Variants in TOP1MT observed in about 807,000 individuals in gnomAD.
TOP1MT encodes DNA topoisomerase I, mitochondrial.
A neutral mutation model predicts 73.9 loss-of-function variants in TOP1MT; 80 were observed. The observed-to-expected ratio is 1.08, with a 90% CI of 0.90 to 1.30. The LOEUF is 1.30. Ranked by LOEUF, TOP1MT falls within the 50% of genes most tolerant of loss-of-function variation. The pLI is 0.00. For synonymous variants in TOP1MT, 338 were observed against 326.4 expected (o/e 1.04, Z -0.38); for missense variants, 815 against 808.0 (o/e 1.01, Z -0.10).
chr8:143,315,652 C>T, intron 12 of TOP1MT, 75 bp downstream of exon 12: 1 of 1,162,516 alleles, frequency 8.6e-7, no homozygotes. Context: ...TCGTCTCCCA[C>T]CGACCCTGTG....
intron 3 of TOP1MT, among the ~76,000 whole-genome samples, chr8:143,328,648 G>A (rs984568152): frequency 6.6e-6 from 1 of 152,238 alleles, no homozygotes; most frequent in Non-Finnish European, 1.5e-5. Context: ...TCACCCACGT[G>A]GGAATGTTCA....
At position 143,309,453 on chromosome 8, in the gene TOP1MT, GTCT is replaced by G. The variant is rs772676060; in HGVS notation, c.1791_1793del (p.Glu597del). On this transcript the variant is annotated inframe_deletion, in exon 14 of 14. Transcript: ENST00000329245. ...ACACGGCTCGTCGTTAGAATTCAAA[GTCT>G]TCTCCTGCCATGGCGAGAGCCCAGG... 5.6e-6 allele frequency: 9 copies of G among 1,613,610 alleles called. No homozygotes were observed. The African/African-American group carries it at 1.1e-4, about 19-fold the overall frequency.
chr8:143,323,661 ACCACACACGCACG>A (rs1445352624), intron 7 of TOP1MT, among the ~76,000 whole-genome samples: 2 of 55,948 alleles, frequency 3.6e-5, no homozygotes, highest in Non-Finnish European at 7.8e-5. Flanking sequence ...ACACATGCTC[ACCACACACGCACG>A]CCACACACAT....
In TOP1MT at chr8:143,341,992, TTAG is replaced by T. The variant is rs1817096151; in HGVS notation, c.29+1225_29+1227del. Among the ~76,000 whole-genome samples, 3 of 125,156 alleles carry T rather than the reference TTAG, an allele frequency of 2.4e-5. No individual in the cohort carries two copies. The highest frequency in any genetic ancestry group is 8.4e-5 in the African/African-American group (3 of 35,752). The allele number at this position is 125,156 out of a possible 152,430, so 82.1% of individuals were successfully genotyped here. ...CAGAGTCTCGCTGTTATTATTATTA[TTAG>T]AGACAGAGTCTCGCTCTGTTATTAT... On this transcript the variant is annotated intron_variant, in intron 2 of 5. Transcript: ENST00000518007. The surrounding 1 kb of genome is among the most constrained non-coding windows in gnomAD (Gnocchi z 4.1).
upstream of TOP1MT, among the ~76,000 whole-genome samples, chr8:143,345,363 T>A (rs1817203097): frequency 6.6e-6 from 1 of 151,846 alleles, no homozygotes; most frequent in Admixed American, 6.6e-5. Context: ...GCTGAAAAGG[T>A]CTGAACCAGC....
At chr8:143,321,972 A>G (rs1415389855) in intron 7 of TOP1MT, among the ~76,000 whole-genome samples, 19 of 25,868 alleles carry the variant, frequency 7.3e-4, no homozygotes, top group African/African-American at 1.8e-3. Flanking sequence ...ACACATGCTC[A>G]CCACACGCAC....
intron 2 of TOP1MT, among the ~76,000 whole-genome samples, chr8:143,330,105 TA>T (rs1354671964): frequency 6.6e-6 from 1 of 152,232 alleles, no homozygotes; most frequent in Non-Finnish European, 1.5e-5. Flanking sequence ...GCATTTCTGA[TA>T]AACAGCAGCA....
chr8:143,353,993 T>C (rs1817364873), intron 1 of TOP1MT, among the ~76,000 whole-genome samples: 1 of 125,654 alleles, frequency 8.0e-6, no homozygotes, highest in African/African-American at 3.9e-5. Flanking sequence ...AAAAAAAGTC[T>C]GTTGGTTCTT....
chr8:143,334,706 G>A (rs1816944530), intron 1 of TOP1MT, 34 bp downstream of exon 1: 1 of 1,597,112 alleles, frequency 6.3e-7, no homozygotes, highest in East Asian at 2.4e-5. Context: ...CCGGTGCTCA[G>A]GGCCCTCGCC....
rs1470887781 is a variant in TOP1MT at position 143,322,182 on chromosome 8, C to CCA, written c.961-798_961-797dup. Among the ~76,000 whole-genome samples the CCA allele has an allele frequency of 1.0e-3, 48 of 46,140 alleles. 3 individuals are homozygous for CCA. The highest frequency in any genetic ancestry group is 1.9e-3 in the African/African-American group (36 of 19,142). The allele number at this position is 46,140 out of a possible 152,430, so 30.3% of individuals were successfully genotyped here. ...GCCACACACGCATGCCACACGCACG[C>CCA]CACACAGGCACGCCACACACACAGG... On this transcript the variant is annotated intron_variant, in intron 7 of 13. Coordinates refer to ENST00000329245, the MANE Select transcript of TOP1MT (RefSeq NM_052963.3).
rs1315003838 is a variant in TOP1MT at position 143,339,907 on chromosome 8, G to A, written c.29+3313C>T. ...CACTGGTCTACACAGCATTCCCCCC[G>A]TCCCAGCACTGGTCTACACAGCATT... On this transcript the variant is annotated intron_variant, in intron 2 of 5. Coordinates refer to the TOP1MT transcript ENST00000518007. Among the ~76,000 whole-genome samples the A allele has an allele frequency of 6.1e-4, 25 of 40,918 alleles. 1 individual carries two copies. The highest frequency in any genetic ancestry group is 1.8e-3 in the Admixed American group (5 of 2,770). 26.8% of individuals were successfully genotyped at this position (40,918 alleles called of 152,430 possible). A position where few individuals can be genotyped will look rare whatever the true frequency, so the allele number is the denominator to read the frequency against.
At chr8:143,351,129 T>C (rs1817313261) in intron 1 of TOP1MT, among the ~76,000 whole-genome samples, 4 of 152,202 alleles carry the variant, frequency 2.6e-5, no homozygotes, top group Non-Finnish European at 4.4e-5. Flanking sequence ...TGTCTCCTCA[T>C]GGTAACTTTC....
chr8:143,323,239 C>A (rs376394330), intron 7 of TOP1MT, among the ~76,000 whole-genome samples: 8 of 110,560 alleles, frequency 7.2e-5, no homozygotes, highest in African/African-American at 2.8e-4. Flanking sequence ...CACAGGCACG[C>A]CACACACACA....
At position 143,315,760 on chromosome 8, in the gene TOP1MT, T is replaced by C; in HGVS notation, c.1520A>G (p.Glu507Gly). 2 of 1,614,066 alleles carry C rather than the reference T, an allele frequency of 1.2e-6. No homozygotes were observed. The highest frequency in any genetic ancestry group is 1.7e-6 in the Non-Finnish European group (2 of 1,180,012). Reference sequence around the variant, plus strand: ...CTTGCCATCCCCTTGGGCTTTGTGCTCAGCCCTCGCCCTCCTCAGCTCTGC... The same window carrying C: ...CTTGCCATCCCCTTGGGCTTTGTGCCCAGCCCTCGCCCTCCTCAGCTCTGC... ...ARAELRRARA[E>G]HKAQGDGKSR... The change falls in exon 12 of 14, where the codon GAG becomes GGG. Residue 507 changes from glutamate to glycine, a missense_variant. Transcript: ENST00000329245.
At chr8:143,321,474 A>G in intron 7 of TOP1MT, 88 bp from the exon 8 acceptor site, 1 of 1,052,614 alleles carries the variant, frequency 9.5e-7, no homozygotes, top group East Asian at 2.7e-5. Context: ...CCACACACGC[A>G]CGCCACACGC....
chr8:143,331,384 G>T (rs745732260), intron 1 of TOP1MT, 45 bp from the exon 2 acceptor site: 2 of 1,528,824 alleles, frequency 1.3e-6, no homozygotes, highest in Non-Finnish European at 1.8e-6. Context: ...GCCAGGCCCT[G>T]CATGAGCCTC....
At chr8:143,309,818 A>G (rs917994377) in intron 13 of TOP1MT, 5 of 1,533,478 alleles carry the variant, frequency 3.3e-6, no homozygotes, top group Non-Finnish European at 3.5e-6. Context: ...TGAGCTCCAC[A>G]GGCCCTCCTG....
Position 143,321,357 on chromosome 8 carries a change from C to A in TOP1MT, c.990G>T (p.Glu330Asp), listed in dbSNP as rs780433399. The A allele has an allele frequency of 6.3e-7, 1 of 1,594,956 alleles. No individual in the cohort carries two copies. The highest frequency in any genetic ancestry group is 2.2e-5 in the East Asian group (1 of 44,448). The part of the protein sequence containing the change: ...KLALRAGNEK[E>D]DGEAADTVGC... ...CCACGGTGTCGGCCGCCTCACCGTC[C>A]TCCTTCTCATTTCCTGCTCTCAGTG... Residue 330 changes from glutamate (E) to aspartate (D), a missense_variant, in exon 8 of 14, where the codon GAG (glutamate) becomes GAT (aspartate). Glu to Asp is a conservative substitution (Grantham distance 45, BLOSUM62 2). Transcript: ENST00000329245.
At chr8:143,320,731 G>A (rs961554142) in intron 8 of TOP1MT, among the ~76,000 whole-genome samples, 2 of 152,236 alleles carry the variant, frequency 1.3e-5, no homozygotes, top group African/African-American at 4.8e-5. Context: ...GCAGAGACTG[G>A]GATGAGGCAG....
Sources: allele counts gnomAD v4.1 joint callset (sites outside exome capture counted in the v4.1 genomes callset), GRCh38; gene constraint gnomAD v4.1.1; non-coding constraint Gnocchi (gnomAD v3.1); transcripts MANE v1.5; gene names NCBI Gene and HGNC (gene_info 2026-07-23, HGNC 2026-07-21).